Variants in CPED1 observed in about 807,000 individuals in gnomAD.
The protein encoded by CPED1 is cadherin like and PC-esterase domain containing 1.
In CPED1, 114 loss-of-function variants were observed where a neutral mutation model predicts 128.2. That is an observed-to-expected ratio of 0.89 (90% CI 0.76 to 1.04). The LOEUF (loss-of-function observed/expected upper bound fraction) is 1.04, where lower values mean the gene tolerates loss of function less well. CPED1 is among the 50% of genes least tolerant of loss of function. The probability of loss-of-function intolerance (pLI) is 0.00; values close to 1 mark genes in which losing one functional copy is unlikely to be tolerated. For synonymous variants in CPED1, 462 were observed against 426.7 expected (o/e 1.08, Z -1.02); for missense variants, 1,211 against 1,207.1 (o/e 1.00, Z -0.05).
intron 16 of CPED1, among the ~76,000 whole-genome samples, chr7:121,152,475 A>T (rs1796181046): frequency 6.6e-6 from 1 of 152,228 alleles, no homozygotes; most frequent in African/African-American, 2.4e-5. Context: ...TATATTGTCT[A>T]GATTTCAGTC....
At chr7:121,254,001 C>A (rs1169334911) in intron 18 of CPED1, among the ~76,000 whole-genome samples, 1 of 151,956 alleles carries the variant, frequency 6.6e-6, no homozygotes, top group Non-Finnish European at 1.5e-5. Flanking sequence ...ATTAGACAGA[C>A]CTTCAAGGCA....
chr7:121,246,294 G>T (rs1798532895), intron 18 of CPED1, among the ~76,000 whole-genome samples: 1 of 152,210 alleles, frequency 6.6e-6, no homozygotes, highest in Non-Finnish European at 1.5e-5. Flanking sequence ...TGTGGTAGAT[G>T]AATCAACTTT....
At chr7:121,109,589 C>G (rs890374638) in intron 7 of CPED1, among the ~76,000 whole-genome samples, 5 of 152,118 alleles carry the variant, frequency 3.3e-5, no homozygotes, top group African/African-American at 1.2e-4. Context: ...TCTAACAGTT[C>G]CAGGTACCAT....
At chr7:121,203,763 AG>A (rs1413871261) in intron 16 of CPED1, among the ~76,000 whole-genome samples, 2 of 152,122 alleles carry the variant, frequency 1.3e-5, no homozygotes, top group Non-Finnish European at 2.9e-5. Flanking sequence ...TGGAGGGAAA[AG>A]GTAATTGTAT....
At chr7:121,042,637 C>A (rs1793086507) in intron 3 of CPED1, among the ~76,000 whole-genome samples, 2 of 152,128 alleles carry the variant, frequency 1.3e-5, no homozygotes, top group Admixed American at 6.6e-5. Flanking sequence ...CTCTTCCCAC[C>A]ACTAACTGGA....
chr7:121,266,467 A>G lies in CPED1; in HGVS notation c.2531+20A>G, dbSNP rs761547159. The G allele has an allele frequency of 3.2e-6, 5 of 1,583,408 alleles. No individual in the cohort carries two copies. In the South Asian group the frequency reaches 5.5e-5, roughly 18 times the overall value. On this transcript the variant is annotated intron_variant, in intron 19 of 22. Coordinates refer to ENST00000310396, the MANE Select transcript of CPED1 (RefSeq NM_024913.5). ...GCAAAGGTACAATGAAACTATAATG[A>G]AAGACACAAAACCCACAAAGTACTG...
At chr7:121,232,465 T>C (rs1798160548) in intron 16 of CPED1, among the ~76,000 whole-genome samples, 1 of 152,074 alleles carries the variant, frequency 6.6e-6, no homozygotes, top group African/African-American at 2.4e-5. Flanking sequence ...GCTTAGTAAG[T>C]GTTCGGGCTC....
chr7:121,293,175 G>A (rs1411061162), intron 22 of CPED1, among the ~76,000 whole-genome samples: 1 of 152,286 alleles, frequency 6.6e-6, no homozygotes, highest in South Asian at 2.1e-4. Flanking sequence ...TTATCTATAA[G>A]CCCCTGACTA....
chr7:121,034,041 T>C (rs965253960), intron 3 of CPED1, among the ~76,000 whole-genome samples: 10 of 152,150 alleles, frequency 6.6e-5, no homozygotes, highest in Non-Finnish European at 1.2e-4. Context: ...AGGAATAATA[T>C]TTGGTTAAAT....
At chr7:121,124,523 C>T (rs1795458729) in intron 8 of CPED1, 50 bp downstream of exon 8, 1 of 1,285,708 alleles carries the variant, frequency 7.8e-7, no homozygotes, top group South Asian at 1.9e-5. Context: ...AGAAAGCAAC[C>T]TATCTTTTAA....
intron 16 of CPED1, among the ~76,000 whole-genome samples, chr7:121,163,221 A>G (rs868220695): frequency 3.0e-4 from 45 of 152,294 alleles, no homozygotes; most frequent in African/African-American, 1.1e-3. Context: ...AAACATCTCT[A>G]ATGTCATTTC....
chr7:121,211,558 G>GCAGGGTCCCAGA (rs1407481737), intron 16 of CPED1, among the ~76,000 whole-genome samples: 3 of 1,182 alleles, frequency 2.5e-3, no homozygotes, highest in Non-Finnish European at 0.013. Context: ...ATCTGATTGG[G>GCAGGGTCCCAGA]ACAGCAGACA....
rs559170055 is a variant in CPED1, at chr7:121,027,023, A to G, written c.433+11175A>G. 2.8e-5 allele frequency among the ~76,000 whole-genome samples: 4 copies of G among 142,324 alleles called. No homozygotes were observed. The South Asian group carries it at 6.6e-4, about 24-fold the overall frequency. 93.4% of individuals were successfully genotyped at this position (142,324 alleles called of 152,430 possible). ...TTTTCTTATTTTTTTTTTTTTTTGT[A>G]GAGAGGGGAATCTCACTATGTTACC... On this transcript the variant is annotated intron_variant, in intron 3 of 22. Coordinates refer to ENST00000310396, the MANE Select transcript of CPED1 (RefSeq NM_024913.5).
chr7:121,022,475 G>A (rs769144397), intron 3 of CPED1, among the ~76,000 whole-genome samples: 5 of 151,932 alleles, frequency 3.3e-5, no homozygotes, highest in Admixed American at 2.0e-4. Context: ...CATTTGCCAG[G>A]TTACTTGACC....
intron 16 of CPED1, among the ~76,000 whole-genome samples, chr7:121,151,076 A>T (rs10246521): frequency 0.44 from 66,798 of 151,968 alleles, 15,969 homozygotes; most frequent in East Asian, 0.84. Flanking sequence ...TGTATTTTTT[A>T]AAGGATATTT....
At chr7:121,147,264 C>T (rs1584547083) in intron 16 of CPED1, among the ~76,000 whole-genome samples, 1 of 152,190 alleles carries the variant, frequency 6.6e-6, no homozygotes, top group Middle Eastern at 3.4e-3. Context: ...ACTATTCTGA[C>T]AGCTCTTTAT....
At chr7:121,072,811 A>G (rs1205194487) in intron 5 of CPED1, among the ~76,000 whole-genome samples, 5 of 152,248 alleles carry the variant, frequency 3.3e-5, no homozygotes, top group African/African-American at 7.2e-5. Context: ...GATAATTACT[A>G]GAAAAGTTTT....
chr7:121,050,580 C>T (rs925967449), intron 4 of CPED1: 50 of 250,596 alleles, frequency 2.0e-4, no homozygotes, highest in Admixed American at 1.2e-3. Context: ...TCTTCTGCCT[C>T]AGCCTCTGGA....
intron 3 of CPED1, among the ~76,000 whole-genome samples, chr7:121,031,234 G>C (rs1790854957): frequency 6.6e-6 from 1 of 152,096 alleles, no homozygotes; most frequent in Non-Finnish European, 1.5e-5. Context: ...TCATATTTTA[G>C]AGATTTGAGT....
Sources: allele counts gnomAD v4.1 joint callset (sites outside exome capture counted in the v4.1 genomes callset), GRCh38; gene constraint gnomAD v4.1.1; transcripts MANE v1.5; gene names NCBI Gene and HGNC (gene_info 2026-07-23, HGNC 2026-07-21).